THSD4: variants seen among roughly 807,000 people sequenced by gnomAD.
THSD4 encodes thrombospondin type 1 domain containing 4, also known as thrombospondin type-1 domain-containing protein 4.
A neutral mutation model predicts 119.0 loss-of-function variants in THSD4; 69 were observed. The ratio of observed to expected loss-of-function variants is 0.58; its 90% confidence interval spans 0.48 to 0.71. The LOEUF (loss-of-function observed/expected upper bound fraction) is 0.71. THSD4 is among the 30% of genes least tolerant of loss of function. The probability of loss-of-function intolerance (pLI) is 0.00; values close to 1 mark genes in which losing one functional copy is unlikely to be tolerated. For missense variants in THSD4, 1,393 were observed against 1,391.1 expected (o/e 1.00, Z -0.02); for synonymous variants, 524 against 540.4 (o/e 0.97, Z 0.42).
intron 6 of THSD4, among the ~76,000 whole-genome samples, chr15:71,322,689 C>A (rs980074316): frequency 2.0e-5 from 3 of 152,140 alleles, no homozygotes; most frequent in African/African-American, 7.2e-5. Context: ...AGCTCACTCC[C>A]TGGTGCTGGC....
chr15:71,271,304 A>G (rs538645032), intron 6 of THSD4, among the ~76,000 whole-genome samples: 1 of 152,306 alleles, frequency 6.6e-6, no homozygotes, highest in South Asian at 2.1e-4. Context: ...AAAAGAACAC[A>G]CTACTGACAC....
intron 7 of THSD4, chr15:71,547,477 G>C: frequency 6.5e-7 from 1 of 1,550,090 alleles, no homozygotes; most frequent in East Asian, 2.4e-5. Flanking sequence ...AGACCTGGGG[G>C]AGAGGTAAGC....
intron 7 of THSD4, among the ~76,000 whole-genome samples, chr15:71,500,585 T>C (rs553621283): frequency 1.3e-5 from 2 of 152,374 alleles, no homozygotes; most frequent in African/African-American, 2.4e-5. Flanking sequence ...CAGTAAAGTT[T>C]CTTCTAAGAG....
chr15:71,218,035 G>A (rs1446751710), intron 4 of THSD4, among the ~76,000 whole-genome samples: 1 of 151,952 alleles, frequency 6.6e-6, no homozygotes. Flanking sequence ...GCCTCCCAAA[G>A]TGTTGGGATT....
chr15:71,397,943 T>G (rs959174488), intron 6 of THSD4, among the ~76,000 whole-genome samples: 16 of 152,178 alleles, frequency 1.1e-4, no homozygotes, highest in Non-Finnish European at 1.5e-5. Flanking sequence ...GAAATCTCTG[T>G]GCAATATTTT....
At chr15:71,280,236 G>A (rs951154410) in intron 6 of THSD4, among the ~76,000 whole-genome samples, 2 of 152,166 alleles carry the variant, frequency 1.3e-5, no homozygotes, top group African/African-American at 4.8e-5. Flanking sequence ...TTATAAAGGG[G>A]AACAGTGTAG....
rs543316213 is a variant in THSD4, at chr15:71,478,082, A to G, written c.1152+66259A>G. Among the ~76,000 whole-genome samples the G allele has an allele frequency of 9.2e-5, 14 of 152,300 alleles. No homozygotes were observed. The East Asian group carries it at 2.1e-3, about 23-fold the overall frequency. ...TTAAAGATGTTGCTCATTACATTCC[A>G]TAACAGCATCTTAATGAGAACCTAT... On this transcript the variant is annotated intron_variant, in intron 7 of 17. Coordinates refer to ENST00000261862, the MANE Select transcript of THSD4 (RefSeq NM_024817.3).
rs189758109 is a variant in THSD4 at position 71,702,707 on chromosome 15, C to T, written c.1358-25842C>T. Among the ~76,000 whole-genome samples, 440 of 152,320 alleles carry T rather than the reference C, an allele frequency of 2.9e-3. 1 individual carries two copies. Among genetic ancestry groups the T allele is most frequent in the Non-Finnish European group, 4.9e-3 (335 of 68,036 alleles). On this transcript the variant is annotated intron_variant, in intron 8 of 17. Coordinates refer to ENST00000261862, the MANE Select transcript of THSD4 (RefSeq NM_024817.3). ...TCTGACCACGGGGCCTTTGCACAGA[C>T]AGTTCTTTCTTTCTGCAATGCACTT...
intron 7 of THSD4, among the ~76,000 whole-genome samples, chr15:71,422,887 G>A (rs998911211): frequency 6.6e-6 from 1 of 152,074 alleles, no homozygotes; most frequent in African/African-American, 2.4e-5. Flanking sequence ...AGCTTAGCTG[G>A]CACCCAAGCC....
chr15:71,388,661 A>AGTGTGTGTGTGTGTGTGTGTGTGTGT lies in THSD4; in HGVS notation c.1016-23025_1016-23024insTGTGTGTGTGTGTGTGTGTGTGTGTG, dbSNP rs748438115. ...CGAGTATTGATTTGATTCTTTGGAG[A>AGTGTGTGTGTGTGTGTGTGTGTGTGT]GAGTGTGTGTGTGTGTGTGTGTGTG... On this transcript the variant is annotated intron_variant, in intron 6 of 17. Coordinates refer to ENST00000261862, the MANE Select transcript of THSD4 (RefSeq NM_024817.3). 1.5e-4 allele frequency among the ~76,000 whole-genome samples: 21 copies of AGTGTGTGTGTGTGTGTGTGTGTGTGT among 142,086 alleles called. 1 individual carries two copies. Among genetic ancestry groups the AGTGTGTGTGTGTGTGTGTGTGTGTGT allele is most frequent in the African/African-American group, 5.3e-4 (21 of 39,906 alleles). 93.2% of individuals were successfully genotyped at this position (142,086 alleles called of 152,430 possible).
chr15:71,405,407 A>G (rs1269091963), intron 6 of THSD4, among the ~76,000 whole-genome samples: 1 of 152,244 alleles, frequency 6.6e-6, no homozygotes, highest in South Asian at 2.1e-4. Context: ...CTAGCATGGT[A>G]GATATGCAAA....
chr15:71,205,652 T>G (rs986655606), intron 3 of THSD4, among the ~76,000 whole-genome samples: 1 of 152,184 alleles, frequency 6.6e-6, no homozygotes. Flanking sequence ...GCTGAATGTA[T>G]TGTGCTCCCG....
chr15:71,323,677 AT>A (rs943496528), intron 6 of THSD4, among the ~76,000 whole-genome samples: 32 of 152,322 alleles, frequency 2.1e-4, no homozygotes, highest in African/African-American at 7.5e-4. Flanking sequence ...AGCAGCAAAA[AT>A]CAAGGGCTGC....
intron 7 of THSD4, among the ~76,000 whole-genome samples, chr15:71,608,089 G>A (rs2050144699): frequency 6.6e-6 from 1 of 151,880 alleles, no homozygotes; most frequent in Non-Finnish European, 1.5e-5. Context: ...GGGGCGTGGT[G>A]GCAGGCACCT....
chr15:71,727,581 TATATATACACACACACACACACAC>T (rs1318990134), intron 8 of THSD4, among the ~76,000 whole-genome samples: 77 of 6,552 alleles, frequency 0.012, no homozygotes, highest in African/African-American at 0.019. Context: ...TATATATATA[TATATATACACACACACACACACAC>T]ACACACACAC....
chr15:71,282,369 C>T (rs1051556008), intron 6 of THSD4, among the ~76,000 whole-genome samples: 5 of 151,496 alleles, frequency 3.3e-5, no homozygotes, highest in Non-Finnish European at 7.4e-5. Context: ...TCCAGCTGTA[C>T]CATAACCTGG....
intron 8 of THSD4, among the ~76,000 whole-genome samples, chr15:71,727,553 A>AAAAAAATAC (rs2052875274): frequency 7.3e-5 from 9 of 122,776 alleles, no homozygotes; most frequent in African/African-American, 3.1e-4. Context: ...AAAAAAAAAA[A>AAAAAAATAC]ATATATATAT....
chr15:71,303,639 A>G (rs1462533721), intron 6 of THSD4, among the ~76,000 whole-genome samples: 1 of 151,916 alleles, frequency 6.6e-6, no homozygotes, highest in African/African-American at 2.4e-5. Flanking sequence ...TACTATTGAT[A>G]CCATTCACAG....
chr15:71,287,313 T>C (rs1455582989), intron 6 of THSD4, among the ~76,000 whole-genome samples: 1 of 152,218 alleles, frequency 6.6e-6, no homozygotes, highest in Non-Finnish European at 1.5e-5. Context: ...GTGTTAATAC[T>C]TGATATTTAG....
Sources: gnomAD v4.1 joint callset for allele counts (sites outside exome capture counted in the v4.1 genomes callset) on GRCh38, gnomAD v4.1.1 for gene constraint, MANE v1.5 for transcripts, NCBI Gene and HGNC (gene_info 2026-07-23, HGNC 2026-07-21) for gene names.